MAP2K4: variants seen among roughly 807,000 people sequenced by gnomAD.
MAP2K4 encodes the protein dual specificity mitogen-activated protein kinase kinase 4.
Under a neutral mutation model 48.5 loss-of-function variants are expected in MAP2K4, and 4 were observed. That is an observed-to-expected ratio of 0.08 (90% confidence interval 0.04 to 0.19). The LOEUF is 0.19. Ranked by LOEUF, MAP2K4 falls within the 10% of genes least tolerant of loss-of-function variation. The pLI is 1.00. For synonymous variants in MAP2K4, 166 were observed against 173.1 expected, an observed-to-expected ratio of 0.96 and a Z score of 0.32; for missense variants, 258 against 493.3, an observed-to-expected ratio of 0.52 and a Z score of 4.52.
chr17:12,032,604 A>G lies in MAP2K4; in HGVS notation c.115+11603A>G, dbSNP rs28918088. The stretch of plus-strand genomic sequence containing the variant: ...AGACTTAACCCTAATTTAAATTACA[A>G]GTAGAAGAGAATTCACTTTTAAGAT... On this transcript the variant is annotated intron_variant, in intron 1 of 10. Coordinates refer to ENST00000353533, the MANE Select transcript of MAP2K4 (RefSeq NM_003010.4). Among the ~76,000 whole-genome samples, 1,225 of 152,324 alleles carry G rather than the reference A, an allele frequency of 8.0e-3. 16 individuals are homozygous for G. Among genetic ancestry groups the G allele is most frequent in the African/African-American group, 0.028 (1,149 of 41,576 alleles).
intron 3 of MAP2K4, among the ~76,000 whole-genome samples, chr17:12,088,199 A>G (rs985493048): frequency 2.6e-5 from 4 of 151,908 alleles, no homozygotes; most frequent in African/African-American, 9.7e-5. Flanking sequence ...TTGCTCTCCT[A>G]TCCTCTACAT....
At chr17:12,039,247 G>A (rs763133307) in intron 1 of MAP2K4, among the ~76,000 whole-genome samples, 2 of 152,166 alleles carry the variant, frequency 1.3e-5, no homozygotes, top group African/African-American at 2.4e-5. Flanking sequence ...TGGACAAGGT[G>A]GCACAGCCAT....
chr17:12,033,758 A>G (rs897180429), intron 1 of MAP2K4, among the ~76,000 whole-genome samples: 1 of 152,214 alleles, frequency 6.6e-6, no homozygotes, highest in African/African-American at 2.4e-5. Flanking sequence ...GACAACGTTT[A>G]GCTTTTATTT....
chr17:12,099,662 C>T (rs1273821988), intron 4 of MAP2K4, among the ~76,000 whole-genome samples: 2 of 152,080 alleles, frequency 1.3e-5, no homozygotes, highest in African/African-American at 2.4e-5. Context: ...CACTCAGTTG[C>T]ACAGGTTCCT....
chr17:12,033,471 T>G (rs1312716284), intron 1 of MAP2K4, among the ~76,000 whole-genome samples: 10 of 152,146 alleles, frequency 6.6e-5, no homozygotes, highest in Admixed American at 3.9e-4. Flanking sequence ...TCTTGAATGG[T>G]TCACCCACAA....
intron 7 of MAP2K4, chr17:12,115,832 C>T (rs991451825): frequency 4.8e-5 from 34 of 710,858 alleles, no homozygotes; most frequent in African/African-American, 1.0e-4. Flanking sequence ...CTGCACTGTG[C>T]GATGGGAGAA....
At chr17:12,021,803 G>T (rs2151502418) in intron 1 of MAP2K4, among the ~76,000 whole-genome samples, 1 of 152,260 alleles carries the variant, frequency 6.6e-6, no homozygotes, top group South Asian at 2.1e-4. Context: ...ATAGACAGGG[G>T]TCAAAGTGAT....
At chr17:12,091,840 T>C (rs1230048831) in intron 3 of MAP2K4, among the ~76,000 whole-genome samples, 1 of 152,206 alleles carries the variant, frequency 6.6e-6, no homozygotes, top group Non-Finnish European at 1.5e-5. Flanking sequence ...TGTAGAGTAG[T>C]AATTTTTGTT....
At chr17:12,034,030 G>T (rs1368507542) in intron 1 of MAP2K4, among the ~76,000 whole-genome samples, 2 of 152,234 alleles carry the variant, frequency 1.3e-5, no homozygotes, top group Middle Eastern at 3.4e-3. Context: ...GCTTTAAGCA[G>T]TCCCACTTCA....
At chr17:12,053,358 T>G (rs1212032170) in intron 1 of MAP2K4, among the ~76,000 whole-genome samples, 2 of 152,042 alleles carry the variant, frequency 1.3e-5, no homozygotes, top group Non-Finnish European at 2.9e-5. Flanking sequence ...ATGTTTTTGG[T>G]GTTAGTGTCT....
chr17:12,094,188 C>G (rs1463494702), intron 3 of MAP2K4, among the ~76,000 whole-genome samples: 3 of 152,142 alleles, frequency 2.0e-5, no homozygotes, highest in Non-Finnish European at 4.4e-5. Context: ...AAATCTGTGT[C>G]TGTAACATAG....
intron 1 of MAP2K4, among the ~76,000 whole-genome samples, chr17:12,040,384 C>T (rs12603036): frequency 0.084 from 12,786 of 152,204 alleles, 670 homozygotes; most frequent in Non-Finnish European, 0.11. Flanking sequence ...TATTTATATG[C>T]ACACATATGA....
chr17:12,039,688 A>G (rs1186712394), intron 1 of MAP2K4, among the ~76,000 whole-genome samples: 21 of 152,168 alleles, frequency 1.4e-4, no homozygotes, highest in Admixed American at 1.4e-3. Context: ...CATTTCCCCA[A>G]AAGCCTTGTA....
At chr17:12,113,388 T>C (rs376928064) in intron 7 of MAP2K4, 28 bp downstream of exon 7, 140 of 1,609,056 alleles carry the variant, frequency 8.7e-5, no homozygotes, top group Non-Finnish European at 1.1e-4. Flanking sequence ...GCCTTCTTGC[T>C]TGATAGTCAT....
chr17:12,099,310 A>T (rs1447269663), intron 4 of MAP2K4, among the ~76,000 whole-genome samples: 1 of 151,800 alleles, frequency 6.6e-6, no homozygotes, highest in Non-Finnish European at 1.5e-5. Flanking sequence ...ATTTAGGTTG[A>T]TTCTGTGACT....
chr17:12,095,602 G>C lies in MAP2K4; in HGVS notation c.421G>C (p.Glu141Gln). The C allele has an allele frequency of 6.2e-7, 1 of 1,613,856 alleles. No individual in the cohort carries two copies. Among genetic ancestry groups the C allele is most frequent in the South Asian group, 1.1e-5 (1 of 91,068 alleles). The change falls in exon 4 of 11, where the codon GAA becomes CAA. Residue 141 changes from glutamate (E) to glutamine (Q), a missense_variant. This residue lies in a region of MAP2K4 where 132 missense variants were observed against 352.8 expected (regional missense o/e 0.37). Transcript: ENST00000353533. Reference sequence around the variant, plus strand: ...AATTCGGTCAACAGTGGATGAAAAAGAACAAAAACAACTTCTTATGGATTT... The same window carrying C: ...AATTCGGTCAACAGTGGATGAAAAACAACAAAAACAACTTCTTATGGATTT... ...KRIRSTVDEK[E>Q]QKQLLMDLDV...
At chr17:12,042,308 A>G (rs1305987359) in intron 1 of MAP2K4, among the ~76,000 whole-genome samples, 1 of 152,178 alleles carries the variant, frequency 6.6e-6, no homozygotes, top group Non-Finnish European at 1.5e-5. Flanking sequence ...TCTTAAGGAC[A>G]GATCATGGTG....
Position 12,134,599 on chromosome 17 carries a change from T to C in MAP2K4, c.1041-5240T>C, listed in dbSNP as rs28921096. Among the ~76,000 whole-genome samples the C allele has an allele frequency of 6.2e-3, 948 of 152,212 alleles. 2 individuals carry two copies. The highest frequency in any genetic ancestry group is 0.036 in the East Asian group (187 of 5,172). ...TATTTAGCTGATTGTAGACAAAGAA[T>C]TAAAATTAAAATTCCTTCTACTTGA... On this transcript the variant is annotated intron_variant, in intron 9 of 10. Transcript: ENST00000353533.
In MAP2K4 at chr17:12,141,310, C is replaced by T. The variant is rs368292817; in HGVS notation, c.*50C>T. The T allele has an allele frequency of 2.8e-5, 36 of 1,289,810 alleles. No homozygotes were observed. The highest frequency in any genetic ancestry group is 9.2e-5 in the East Asian group (4 of 43,362). 79.9% of individuals were successfully genotyped at this position (1,289,810 alleles called of 1,614,324 possible). On this transcript the variant is annotated 3_prime_UTR_variant, in exon 11 of 11. Transcript: ENST00000353533. ...AAAAAAGGGCTGAGAGGAAGCAAGA[C>T]GTAAAGAATTTTCATCCCGTATCAC...
Sources: allele counts gnomAD v4.1 joint callset (sites outside exome capture counted in the v4.1 genomes callset), GRCh38; gene constraint gnomAD v4.1.1; regional missense constraint gnomAD v4.1.1; transcripts MANE v1.5; gene names NCBI Gene and HGNC (gene_info 2026-07-23, HGNC 2026-07-21).